Variants in CACNG7 observed in about 807,000 individuals in gnomAD.
The protein encoded by CACNG7 is voltage-dependent calcium channel gamma-7 subunit.
In CACNG7, 9 loss-of-function variants were observed where a neutral mutation model predicts 26.3. That is an observed-to-expected ratio of 0.34 (90% CI 0.21 to 0.60). The LOEUF (loss-of-function observed/expected upper bound fraction) is 0.60, where lower values mean the gene tolerates loss of function less well. Among genes scored for constraint, CACNG7 ranks in the 20% least tolerant of loss-of-function variants. The probability of loss-of-function intolerance (pLI) is 0.81; values close to 1 mark genes in which losing one functional copy is unlikely to be tolerated. For missense variants in CACNG7, 297 were observed against 380.4 expected (o/e 0.78, Z 1.82); for synonymous variants, 170 against 157.0 (o/e 1.08, Z -0.62).
chr19:53,934,058 C>G (rs7248289), intron 4 of CACNG7, among the ~76,000 whole-genome samples: 1 of 151,834 alleles, frequency 6.6e-6, no homozygotes, highest in Non-Finnish European at 1.5e-5. Context: ...CCACCACGCC[C>G]GGCTAATTTT....
intron 4 of CACNG7, among the ~76,000 whole-genome samples, chr19:53,937,522 G>A (rs1344507361): frequency 1.3e-5 from 2 of 151,928 alleles, no homozygotes; most frequent in Non-Finnish European, 2.9e-5. Flanking sequence ...TTTGAGTGAG[G>A]GAAATCTACT....
chr19:53,930,906 T>C (rs1281280635), intron 4 of CACNG7, among the ~76,000 whole-genome samples: 1 of 152,194 alleles, frequency 6.6e-6, no homozygotes, highest in Non-Finnish European at 1.5e-5. Flanking sequence ...AATTAAGTGT[T>C]AGTATGCATC....
In CACNG7 at chr19:53,909,884, G is replaced by A. The variant is rs2068852041; in HGVS notation, c.-30+367G>A. The stretch of plus-strand genomic sequence containing the variant: ...AGGGGTCCCAGAAAGGGGGAGTTAC[G>A]GTCTCCCGAGAGATGGAGGAGAGAT... On this transcript the variant is annotated intron_variant, in intron 1 of 5. Transcript: ENST00000391767. This position sits in a 1 kb window ranked among gnomAD's most constrained non-coding sequence, Gnocchi z 5.1. 6.6e-6 allele frequency among the ~76,000 whole-genome samples: 1 copy of A among 152,098 alleles called. No individual in the cohort carries two copies. Among genetic ancestry groups the A allele is most frequent in the Admixed American group, 6.5e-5 (1 of 15,280 alleles).
intron 2 of CACNG7, 92 bp downstream of exon 2, chr19:53,913,119 A>G: frequency 8.7e-7 from 1 of 1,154,024 alleles, no homozygotes; most frequent in Non-Finnish European, 1.2e-6. Flanking sequence ...AGTTCCAGAA[A>G]TCCAGAAACG....
chr19:53,931,886 C>G (rs1052479167), intron 4 of CACNG7, among the ~76,000 whole-genome samples: 34 of 150,034 alleles, frequency 2.3e-4, no homozygotes, highest in Non-Finnish European at 4.4e-4. Context: ...CTCAGCCTCC[C>G]GAGTAGCTGG....
At chr19:53,931,706 A>G (rs974508038) in intron 4 of CACNG7, among the ~76,000 whole-genome samples, 6 of 148,098 alleles carry the variant, frequency 4.1e-5, no homozygotes, top group African/African-American at 1.5e-4. Context: ...AAAAAAAAAA[A>G]AAGAAAGGAA....
chr19:53,942,417 CTT>C lies in CACNG7; in HGVS notation c.*126_*127del, dbSNP rs1158133893. The C allele has an allele frequency of 1.3e-6, 2 of 1,501,610 alleles. No homozygotes were observed. The highest frequency in any genetic ancestry group is 2.3e-5 in the East Asian group (1 of 43,652). The allele number at this position is 1,501,610 out of a possible 1,614,324, so 93.0% of individuals were successfully genotyped here. A position where few individuals can be genotyped will look rare whatever the true frequency, so the allele number is the denominator to read the frequency against. On this transcript the variant is annotated 3_prime_UTR_variant, in exon 6 of 6. Transcript: ENST00000391767. The surrounding 1 kb of genome is among the most constrained non-coding windows in gnomAD (Gnocchi z 5.9). ...TCCCACCCGGAGGAGGCTGCGCCAG[CTT>C]TAGGCCCCGCCCTCCTCCCAATGGC...
chr19:53,925,192 C>G (rs1359194724), intron 4 of CACNG7, among the ~76,000 whole-genome samples: 2 of 130,406 alleles, frequency 1.5e-5, no homozygotes, highest in Admixed American at 1.5e-4. Context: ...TGCCCCAGGT[C>G]TGGTCATTGG....
intron 5 of CACNG7, 101 bp from the exon 6 acceptor site, chr19:53,941,934 GC>G (rs1406498368): frequency 7.2e-7 from 1 of 1,390,660 alleles, no homozygotes; most frequent in Non-Finnish European, 9.6e-7. Flanking sequence ...ATAGGAAGGG[GC>G]TTGGGGTGGG....
chr19:53,933,297 ATTTTT>A (rs1009491295), intron 4 of CACNG7, among the ~76,000 whole-genome samples: 1 of 126,060 alleles, frequency 7.9e-6, no homozygotes, highest in African/African-American at 3.0e-5. Flanking sequence ...CGCCTGGCCA[ATTTTT>A]TTTTTTTTTT....
intron 4 of CACNG7, among the ~76,000 whole-genome samples, chr19:53,929,797 G>A (rs924477908): frequency 1.3e-5 from 2 of 152,094 alleles, no homozygotes; most frequent in African/African-American, 4.8e-5. Context: ...AGTTGAAAGT[G>A]TTATGGAAGT....
chr19:53,923,060 A>AG (rs1442278281), intron 4 of CACNG7, among the ~76,000 whole-genome samples: 1 of 116,216 alleles, frequency 8.6e-6, no homozygotes, highest in Admixed American at 8.5e-5. Flanking sequence ...TCATTGGTGC[A>AG]GTTGTCCCCA....
In CACNG7 at chr19:53,941,452, C is replaced by G; in HGVS notation, c.425-18C>G. Reference sequence around the variant, plus strand: ...GGCCCACTTCTAATGGACGAGGGCACCCCCTCTGCTCCCCTAGGCCTCTCC... The same window carrying G: ...GGCCCACTTCTAATGGACGAGGGCAGCCCCTCTGCTCCCCTAGGCCTCTCC... On this transcript the variant is annotated intron_variant, in intron 4 of 5. Transcript: ENST00000391767. The G allele has an allele frequency of 6.6e-7, 1 of 1,512,810 alleles. No individual in the cohort carries two copies. Among genetic ancestry groups the G allele is most frequent in the Non-Finnish European group, 8.8e-7 (1 of 1,136,496 alleles). 93.7% of individuals were successfully genotyped at this position (1,512,810 alleles called of 1,614,324 possible). A position where few individuals can be genotyped will look rare whatever the true frequency, so the allele number is the denominator to read the frequency against.
intron 4 of CACNG7, among the ~76,000 whole-genome samples, chr19:53,935,460 C>A (rs1467372155): frequency 6.6e-6 from 1 of 150,514 alleles, no homozygotes; most frequent in Admixed American, 6.7e-5. Context: ...ATAGCTGGAA[C>A]TACAGGCTAA....
At chr19:53,927,349 T>C (rs2069038792) in intron 4 of CACNG7, among the ~76,000 whole-genome samples, 1 of 152,156 alleles carries the variant, frequency 6.6e-6, no homozygotes, top group Admixed American at 6.5e-5. Flanking sequence ...GTCTTGCATA[T>C]TCTAAGAAAA....
Position 53,909,811 on chromosome 19 carries a change from C to T in CACNG7, c.-30+294C>T, listed in dbSNP as rs938044915. Among the ~76,000 whole-genome samples the T allele has an allele frequency of 6.6e-5, 10 of 151,840 alleles. No homozygotes were observed. The highest frequency in any genetic ancestry group is 6.6e-4 in the Admixed American group (10 of 15,252). Reference sequence around the variant, plus strand: ...TCCCTGAGGAAGGCGAGGTACGGGGCGAGGGCGGAGGACCCAGGCCCGGCC... The same window carrying T: ...TCCCTGAGGAAGGCGAGGTACGGGGTGAGGGCGGAGGACCCAGGCCCGGCC... On this transcript the variant is annotated intron_variant, in intron 1 of 5. Transcript: ENST00000391767. The surrounding 1 kb of genome is among the most constrained non-coding windows in gnomAD (Gnocchi z 5.1).
chr19:53,922,187 CATTGGTGGAGTTGCCCCAGGTCTGGT>C (rs1319983792), intron 4 of CACNG7, among the ~76,000 whole-genome samples: 7 of 108,892 alleles, frequency 6.4e-5, no homozygotes, highest in Non-Finnish European at 1.2e-4. Flanking sequence ...CCAGGCTGGT[CATTGGTGGAGTTGCCCCAGGTCTGGT>C]ATTGGTGGAG....
rs2069130856 is a variant in CACNG7 at position 53,940,538 on chromosome 19, A to G, written c.425-932A>G. Among the ~76,000 whole-genome samples the G allele has an allele frequency of 2.0e-5, 3 of 151,994 alleles. No individual in the cohort carries two copies. The highest frequency in any genetic ancestry group is 2.0e-4 in the Admixed American group (3 of 15,226). ...GATCTGGCCCTGTCCTTCCTCTGCT[A>G]CAAACTTTGTGTAGCTCCCTAGCAC... is the stretch of plus-strand genomic sequence containing the variant. On this transcript the variant is annotated intron_variant, in intron 4 of 5. Transcript: ENST00000391767. This position sits in a 1 kb window ranked among gnomAD's most constrained non-coding sequence, Gnocchi z 4.1.
chr19:53,931,234 A>G lies in CACNG7; in HGVS notation c.425-10236A>G, dbSNP rs114488399. Among the ~76,000 whole-genome samples, 372 of 152,320 alleles carry G rather than the reference A, an allele frequency of 2.4e-3. 1 individual carries two copies. Among genetic ancestry groups the G allele is most frequent in the African/African-American group, 8.6e-3 (357 of 41,578 alleles). On this transcript the variant is annotated intron_variant, in intron 4 of 5. Transcript: ENST00000391767. ...AAATAGAAGAATAATACATTCGTCT[A>G]CGTAACTACAACAACATTATCAGAC...
Sources: allele counts gnomAD v4.1 joint callset (sites outside exome capture counted in the v4.1 genomes callset), GRCh38; gene constraint gnomAD v4.1.1; non-coding constraint Gnocchi (gnomAD v3.1); transcripts MANE v1.5; gene names NCBI Gene and HGNC (gene_info 2026-07-23, HGNC 2026-07-21).